Variants in PRKCE observed in about 807,000 individuals in gnomAD.
PRKCE encodes the protein protein kinase C epsilon type.
PRKCE carries 16 observed loss-of-function variants against 85.4 expected under a neutral mutation model. That is an observed-to-expected ratio of 0.19 (90% CI 0.13 to 0.28). PRKCE has a LOEUF of 0.28. Among genes scored for constraint, PRKCE ranks in the 10% least tolerant of loss-of-function variants. PRKCE has a pLI of 1.00. For missense variants in PRKCE, 573 were observed against 975.2 expected, an observed-to-expected ratio of 0.59 and a Z score of 5.49; for synonymous variants, 388 against 371.5, an observed-to-expected ratio of 1.04 and a Z score of -0.51.
chr2:45,661,534 T>TTC (rs1675653857), intron 1 of PRKCE, among the ~76,000 whole-genome samples: 3 of 134,358 alleles, frequency 2.2e-5, no homozygotes, highest in African/African-American at 8.8e-5. Context: ...TTTTTTGTTT[T>TTC]TTTTTTTTTT....
At chr2:45,744,025 TAA>T (rs1318232574) in intron 1 of PRKCE, among the ~76,000 whole-genome samples, 2 of 149,718 alleles carry the variant, frequency 1.3e-5, no homozygotes, top group African/African-American at 4.9e-5. Context: ...ATAATGCATC[TAA>T]TAAAAATGAT....
At chr2:45,658,586 C>T (rs1675491416) in intron 1 of PRKCE, among the ~76,000 whole-genome samples, 1 of 152,192 alleles carries the variant, frequency 6.6e-6, no homozygotes, top group Admixed American at 6.5e-5. Context: ...CCCGTTTCTT[C>T]ATCTGTAAAA....
At position 45,695,781 on chromosome 2, in the gene PRKCE, C is replaced by G. The variant is rs555330665; in HGVS notation, c.348+43333C>G. Among the ~76,000 whole-genome samples the G allele has an allele frequency of 2.0e-5, 3 of 152,232 alleles. No individual in the cohort carries two copies. In the East Asian group the frequency reaches 5.8e-4, roughly 29 times the overall value. Reference sequence around the variant, plus strand: ...GTGAGACTCCGTCTCAAAAACAAAACAGAAACCACTAGTAGAATATGTACC... The same window carrying G: ...GTGAGACTCCGTCTCAAAAACAAAAGAGAAACCACTAGTAGAATATGTACC... On this transcript the variant is annotated intron_variant, in intron 1 of 14. Coordinates refer to ENST00000306156, the MANE Select transcript of PRKCE (RefSeq NM_005400.3).
At chr2:45,882,017 G>T in intron 2 of PRKCE, among the ~76,000 whole-genome samples, 1 of 152,200 alleles carries the variant, frequency 6.6e-6, no homozygotes, top group African/African-American at 2.4e-5. Context: ...GGTCTGACTG[G>T]CCAGGGGGGA....
At position 45,905,590 on chromosome 2, in the gene PRKCE, G is replaced by A. The variant is rs909466363; in HGVS notation, c.412+62527G>A. On this transcript the variant is annotated intron_variant, in intron 2 of 14. Transcript: ENST00000306156. This position sits in a 1 kb window ranked among gnomAD's most constrained non-coding sequence, Gnocchi z 4.4. ...AGCTGGGCAAAGCAGGGCTTTCACCGGGCTCTGTGTATCCTGGCCCTGCAA... is the reference window on the plus strand; with the variant it reads ...AGCTGGGCAAAGCAGGGCTTTCACCAGGCTCTGTGTATCCTGGCCCTGCAA... 2.0e-5 allele frequency among the ~76,000 whole-genome samples: 3 copies of A among 152,190 alleles called. No homozygotes were observed. The highest frequency in any genetic ancestry group is 2.9e-5 in the Non-Finnish European group (2 of 68,028).
chr2:45,976,300 A>G, intron 2 of PRKCE, 129 bp from the exon 3 acceptor site: 1 of 1,088,116 alleles, frequency 9.2e-7, no homozygotes. Flanking sequence ...GTCCCTCCAC[A>G]CACAAAGGCT....
Position 45,884,999 on chromosome 2 carries a change from A to ATTTTTTTTT in PRKCE, c.412+41937_412+41938insTTTTTTTTT, listed in dbSNP as rs1265565855. Among the ~76,000 whole-genome samples, 78 of 63,238 alleles carry ATTTTTTTTT rather than the reference A, an allele frequency of 1.2e-3. 6 individuals carry two copies. The highest frequency in any genetic ancestry group is 5.9e-3 in the East Asian group (10 of 1,686). The allele number at this position is 63,238 out of a possible 152,430, so 41.5% of individuals were successfully genotyped here. On this transcript the variant is annotated intron_variant, in intron 2 of 14. Coordinates refer to ENST00000306156, the MANE Select transcript of PRKCE (RefSeq NM_005400.3). ...TATATATATATATATATATATATATATATTTGTTGTTGTTGTTGTTGTTTT... is the reference window on the plus strand; with the variant it reads ...TATATATATATATATATATATATATATTTTTTTTTTATTTGTTGTTGTTGTTGTTGTTTT...
intron 1 of PRKCE, among the ~76,000 whole-genome samples, chr2:45,682,994 G>A (rs550203092): frequency 1.6e-4 from 24 of 152,154 alleles, no homozygotes; most frequent in African/African-American, 2.2e-4. Context: ...TTCTCTTTAC[G>A]AAAAAAGAAT....
chr2:45,746,595 C>T (rs1683154564), intron 1 of PRKCE, among the ~76,000 whole-genome samples: 1 of 152,150 alleles, frequency 6.6e-6, no homozygotes, highest in South Asian at 2.1e-4. Flanking sequence ...GTGGATAGTG[C>T]TACTTATTCT....
chr2:45,848,199 A>G (rs1229787675), intron 2 of PRKCE, among the ~76,000 whole-genome samples: 1 of 152,260 alleles, frequency 6.6e-6, no homozygotes, highest in African/African-American at 2.4e-5. Context: ...GCTTCAATTC[A>G]TAAGAATTTT....
intron 10 of PRKCE, among the ~76,000 whole-genome samples, chr2:46,077,208 A>G (rs1213749437): frequency 1.4e-5 from 2 of 148,146 alleles, no homozygotes; most frequent in Non-Finnish European, 3.0e-5. Context: ...CACCCAAAAT[A>G]ATAATAATAA....
At chr2:45,753,898 C>T (rs190598127) in intron 1 of PRKCE, among the ~76,000 whole-genome samples, 124 of 152,296 alleles carry the variant, frequency 8.1e-4, no homozygotes, top group African/African-American at 2.8e-3. Context: ...CTTGCATAAC[C>T]ACAAAACCAT....
At chr2:46,029,632 T>C (rs1226546595) in intron 10 of PRKCE, among the ~76,000 whole-genome samples, 1 of 151,794 alleles carries the variant, frequency 6.6e-6, no homozygotes, top group East Asian at 1.9e-4. Flanking sequence ...GCAAGCCTGT[T>C]CATGCATCGC....
At chr2:45,997,659 G>A (rs1455339239) in intron 6 of PRKCE, among the ~76,000 whole-genome samples, 1 of 151,986 alleles carries the variant, frequency 6.6e-6, no homozygotes, top group Non-Finnish European at 1.5e-5. Flanking sequence ...CGATTCTCCT[G>A]CCTCAGCCTC....
At position 45,692,229 on chromosome 2, in the gene PRKCE, C is replaced by T. The variant is rs1027577353; in HGVS notation, c.348+39781C>T. Reference sequence around the variant, plus strand: ...AAAGCACCACAAACTGGGTGGATTACAAGCACAGAAATTTATGACTCTTAC... The same window carrying T: ...AAAGCACCACAAACTGGGTGGATTATAAGCACAGAAATTTATGACTCTTAC... On this transcript the variant is annotated intron_variant, in intron 1 of 14. Coordinates refer to ENST00000306156, the MANE Select transcript of PRKCE (RefSeq NM_005400.3). 3.9e-5 allele frequency among the ~76,000 whole-genome samples: 6 copies of T among 152,286 alleles called. No individual in the cohort carries two copies. In the South Asian group the frequency reaches 8.3e-4, roughly 21 times the overall value.
At chr2:45,671,242 G>T (rs542564757) in intron 1 of PRKCE, among the ~76,000 whole-genome samples, 2 of 152,172 alleles carry the variant, frequency 1.3e-5, no homozygotes, top group African/African-American at 4.8e-5. Flanking sequence ...TATTCAAAGC[G>T]GGAATTAAGA....
intron 1 of PRKCE, among the ~76,000 whole-genome samples, chr2:45,760,118 T>C (rs1381874926): frequency 1.3e-5 from 2 of 152,140 alleles, no homozygotes; most frequent in Admixed American, 6.5e-5. Flanking sequence ...GGAAGGTTAC[T>C]TGGAGGAGGC....
chr2:45,955,851 A>G (rs749072229), intron 2 of PRKCE, among the ~76,000 whole-genome samples: 1 of 152,190 alleles, frequency 6.6e-6, no homozygotes, highest in Non-Finnish European at 1.5e-5. Context: ...TTTAGCATAT[A>G]GTTATTTGAG....
intron 1 of PRKCE, among the ~76,000 whole-genome samples, chr2:45,807,841 G>A (rs1688358650): frequency 6.6e-6 from 1 of 151,854 alleles, no homozygotes; most frequent in Admixed American, 6.6e-5. Context: ...GCTCAAGTTT[G>A]ATAGCTCCAG....
Sources: allele counts gnomAD v4.1 joint callset (sites outside exome capture counted in the v4.1 genomes callset), GRCh38; gene constraint gnomAD v4.1.1; non-coding constraint Gnocchi (gnomAD v3.1); transcripts MANE v1.5; gene names NCBI Gene and HGNC (gene_info 2026-07-23, HGNC 2026-07-21).